The following SLMAP variants were observed in gnomAD, a reference collection of about 807,000 sequenced individuals.
SLMAP encodes the protein sarcolemma associated protein, also known as sarcolemmal membrane-associated protein.
A neutral mutation model predicts 128.8 loss-of-function variants in SLMAP; 44 were observed. The observed-to-expected ratio is 0.34, with a 90% CI of 0.27 to 0.44. The LOEUF (loss-of-function observed/expected upper bound fraction) is 0.44. SLMAP is among the 20% of genes least tolerant of loss of function. The pLI is 1.00. For missense variants in SLMAP, 787 were observed against 985.3 expected (o/e 0.80, Z 2.69); for synonymous variants, 327 against 348.8 (o/e 0.94, Z 0.70).
chr3:57,821,611 G>A (rs943606103), intron 2 of SLMAP, among the ~76,000 whole-genome samples: 1 of 152,072 alleles, frequency 6.6e-6, no homozygotes, highest in African/African-American at 2.4e-5. Flanking sequence ...TCTAAGAAGC[G>A]ACTAAATTGT....
chr3:57,907,479 A>G (rs1371621670), intron 17 of SLMAP, among the ~76,000 whole-genome samples: 1 of 152,210 alleles, frequency 6.6e-6, no homozygotes, highest in Admixed American at 6.5e-5. Flanking sequence ...TTTGTTTTCC[A>G]TATCCAGTTA....
At chr3:57,830,863 A>G (rs948689881) in intron 2 of SLMAP, among the ~76,000 whole-genome samples, 2 of 152,208 alleles carry the variant, frequency 1.3e-5, no homozygotes, top group Admixed American at 6.5e-5. Context: ...TTTACTTCAC[A>G]TAATGTTTTA....
At chr3:57,850,756 C>T (rs926117225) in intron 6 of SLMAP, among the ~76,000 whole-genome samples, 2 of 152,192 alleles carry the variant, frequency 1.3e-5, no homozygotes, top group African/African-American at 4.8e-5. Context: ...GCCTCAGCCT[C>T]CTGAGTGGCT....
chr3:57,873,892 G>A (rs1431360034), intron 14 of SLMAP, among the ~76,000 whole-genome samples: 6 of 152,042 alleles, frequency 3.9e-5, no homozygotes, highest in Admixed American at 6.6e-5. Context: ...AGGCTGAGGC[G>A]GGCTGATCAC....
intron 2 of SLMAP, among the ~76,000 whole-genome samples, chr3:57,772,062 C>T (rs576839259): frequency 3.9e-5 from 6 of 152,222 alleles, no homozygotes; most frequent in South Asian, 4.1e-4. Context: ...AGGAGTTTCT[C>T]GTTTAATTGG....
At chr3:57,810,044 G>A (rs957146334) in intron 2 of SLMAP, among the ~76,000 whole-genome samples, 4 of 152,168 alleles carry the variant, frequency 2.6e-5, no homozygotes, top group African/African-American at 9.7e-5. Flanking sequence ...GCTCAGACCT[G>A]GAGCTCCCCA....
intron 17 of SLMAP, among the ~76,000 whole-genome samples, chr3:57,906,300 CTTTTTTTTTCTTT>C (rs1420623918): frequency 2.8e-5 from 2 of 71,290 alleles, no homozygotes; most frequent in Admixed American, 1.9e-4. Flanking sequence ...AAATTTTTTT[CTTTTTTTTTCTTT>C]TTTTTTTTTT....
chr3:57,913,064 A>G (rs1576307078), intron 20 of SLMAP, 94 bp from the exon 21 acceptor site: 1 of 651,556 alleles, frequency 1.5e-6, no homozygotes, highest in Non-Finnish European at 2.7e-6. Context: ...GGGGGCAAAA[A>G]GTATGTTCTC....
In SLMAP at chr3:57,813,095, C is replaced by CTT. The variant is rs200561601; in HGVS notation, c.199-18271_199-18270dup. ...TTATTTTGTCCTTTCCGTTTGGATG[C>CTT]TTTTTTTTTTTTTTTTTTGAGACAG... On this transcript the variant is annotated intron_variant, in intron 2 of 24. Transcript: ENST00000671191. Among the ~76,000 whole-genome samples the CTT allele has an allele frequency of 2.1e-3, 256 of 120,816 alleles. 2 individuals are homozygous for CTT. The highest frequency in any genetic ancestry group is 6.3e-3 in the African/African-American group (208 of 32,914). 79.3% of individuals were successfully genotyped at this position (120,816 alleles called of 152,430 possible).
intron 4 of SLMAP, among the ~76,000 whole-genome samples, chr3:57,845,799 A>G (rs562527719): frequency 1.3e-5 from 2 of 151,990 alleles, no homozygotes; most frequent in East Asian, 3.9e-4. Context: ...TACATTTAAT[A>G]TCCCCAATAA....
At chr3:57,790,091 C>T (rs1466236552) in intron 2 of SLMAP, among the ~76,000 whole-genome samples, 3 of 152,200 alleles carry the variant, frequency 2.0e-5, no homozygotes, top group African/African-American at 7.2e-5. Flanking sequence ...CCTGCCTCAG[C>T]CTCCCAAAGT....
chr3:57,824,155 T>C (rs565241796), intron 2 of SLMAP, among the ~76,000 whole-genome samples: 3 of 152,270 alleles, frequency 2.0e-5, no homozygotes, highest in Non-Finnish European at 4.4e-5. Flanking sequence ...GAGAGTTCAA[T>C]GGCAGATTTG....
At chr3:57,922,432 T>A (rs1005628967) in intron 22 of SLMAP, among the ~76,000 whole-genome samples, 2 of 149,608 alleles carry the variant, frequency 1.3e-5, no homozygotes, top group South Asian at 2.1e-4. Flanking sequence ...TTTCTTTTTT[T>A]TTTTTTTTTT....
intron 2 of SLMAP, among the ~76,000 whole-genome samples, chr3:57,766,753 T>C (rs538275723): frequency 4.6e-5 from 7 of 152,148 alleles, no homozygotes; most frequent in Non-Finnish European, 1.0e-4. Context: ...CAAGTGCCTT[T>C]TTTTGCTGTT....
chr3:57,838,424 T>C (rs921184948), intron 3 of SLMAP, among the ~76,000 whole-genome samples: 2 of 152,166 alleles, frequency 1.3e-5, no homozygotes, highest in Non-Finnish European at 2.9e-5. Context: ...TAATGGGAGC[T>C]ATAAAATACT....
intron 3 of SLMAP, among the ~76,000 whole-genome samples, chr3:57,835,321 G>C (rs936098087): frequency 6.6e-6 from 1 of 151,578 alleles, no homozygotes; most frequent in Non-Finnish European, 1.5e-5. Flanking sequence ...TGTGGGCCTG[G>C]CAGCTTGCAC....
intron 8 of SLMAP, among the ~76,000 whole-genome samples, chr3:57,860,491 A>C (rs1246952788): frequency 6.6e-6 from 1 of 151,982 alleles, no homozygotes; most frequent in African/African-American, 2.4e-5. Flanking sequence ...TTTTTTCTAT[A>C]GGAAGTGGAA....
chr3:57,887,316 G>C (rs1364992409), intron 14 of SLMAP, among the ~76,000 whole-genome samples: 1 of 148,178 alleles, frequency 6.7e-6, no homozygotes, highest in Non-Finnish European at 1.5e-5. Flanking sequence ...CTCAATCTCC[G>C]CTTCCTGGGT....
chr3:57,826,948 G>A (rs2092969551), intron 2 of SLMAP, among the ~76,000 whole-genome samples: 1 of 152,162 alleles, frequency 6.6e-6, no homozygotes, highest in South Asian at 2.1e-4. Flanking sequence ...TGGGGTTTGT[G>A]TGGGTACTGT....
Sources: allele counts gnomAD v4.1 joint callset (sites outside exome capture counted in the v4.1 genomes callset), GRCh38; gene constraint gnomAD v4.1.1; transcripts MANE v1.5; gene names NCBI Gene and HGNC (gene_info 2026-07-23, HGNC 2026-07-21).